Variants in CAST observed in about 807,000 individuals in gnomAD.
The protein encoded by CAST is MIR583 host.
In CAST, 76 loss-of-function variants were observed where a neutral mutation model predicts 119.6. The ratio of observed to expected loss-of-function variants is 0.64; its 90% confidence interval spans 0.53 to 0.77. The LOEUF (loss-of-function observed/expected upper bound fraction) is 0.77, where lower values mean the gene tolerates loss of function less well. CAST is among the 30% of genes least tolerant of loss of function. The probability of loss-of-function intolerance (pLI) is 0.00; values close to 1 mark genes in which losing one functional copy is unlikely to be tolerated. For missense variants in CAST, 953 were observed against 946.5 expected (o/e 1.01, Z -0.09); for synonymous variants, 319 against 331.6 (o/e 0.96, Z 0.41).
At chr5:96,513,170 T>C in the CAST span, among the ~76,000 whole-genome samples, 1 of 152,246 alleles carries the variant, frequency 6.6e-6, no homozygotes, top group Non-Finnish European at 1.5e-5. Flanking sequence ...TCTGCCAGCC[T>C]GGTTAGTGGG....
chr5:96,281,044 A>C, the CAST span, among the ~76,000 whole-genome samples: 1 of 152,260 alleles, frequency 6.6e-6, no homozygotes. Context: ...TCCAGATGTC[A>C]GTTTAGACCT....
At chr5:96,132,928 G>C in the CAST span, among the ~76,000 whole-genome samples, 1 of 152,140 alleles carries the variant, frequency 6.6e-6, no homozygotes, top group African/African-American at 2.4e-5. Flanking sequence ...AAAAGGAACA[G>C]ATACAAAGGA....
chr5:96,765,306 C>T lies in CAST; in HGVS notation c.2018C>T (p.Pro673Leu). The T allele has an allele frequency of 1.9e-6, 2 of 1,049,148 alleles. No individual in the cohort carries two copies. The highest frequency in any genetic ancestry group is 2.6e-6 in the Non-Finnish European group (2 of 757,904). The allele number at this position is 1,049,148 out of a possible 1,614,324, so 65.0% of individuals were successfully genotyped here. ...QRQPDPDENK[P>L]MEDKVKEKAK... ...CAGCCTGACCCAGATGAGAACAAAC[C>T]AATGGAAGATAAAGTAAAGGTAAAA... Residue 673 changes from proline (P) to leucine (L), a missense_variant, in exon 26 of 32, where the codon CCA becomes CTA. Pro to Leu is a moderately conservative substitution (Grantham distance 98, BLOSUM62 -3). Coordinates refer to ENST00000675179, the MANE Select transcript of CAST (RefSeq NM_001750.7).
the CAST span, chr5:96,392,903 C>T: frequency 6.7e-6 from 8 of 1,185,360 alleles, no homozygotes; most frequent in East Asian, 1.6e-4. Context: ...ATATTATAAG[C>T]ATAAGAATTC....
chr5:96,041,706 T>TA, the CAST span, among the ~76,000 whole-genome samples: 35 of 147,084 alleles, frequency 2.4e-4, no homozygotes, highest in East Asian at 5.9e-4. Flanking sequence ...AAAACTATTA[T>TA]AAAAAAAAAA....
the CAST span, among the ~76,000 whole-genome samples, chr5:96,440,940 T>G: frequency 6.6e-6 from 1 of 152,164 alleles, no homozygotes; most frequent in Non-Finnish European, 1.5e-5. Flanking sequence ...AGCACAGATA[T>G]AAGAGCAGAC....
chr5:96,041,249 T>C, the CAST span, among the ~76,000 whole-genome samples: 1 of 152,152 alleles, frequency 6.6e-6, no homozygotes, highest in Non-Finnish European at 1.5e-5. Context: ...GTATATATTC[T>C]TGATTAGAGT....
At chr5:96,730,304 A>G (rs912354671) in intron 8 of CAST, among the ~76,000 whole-genome samples, 2 of 152,230 alleles carry the variant, frequency 1.3e-5, no homozygotes, top group African/African-American at 2.4e-5. Context: ...TATATTTTAT[A>G]TCAGAGATCA....
At position 96,624,181 on chromosome 5, in the gene CAST, G is replaced by A. The variant is rs530539398; in HGVS notation, c.61-51358G>A. 8.5e-5 allele frequency among the ~76,000 whole-genome samples: 13 copies of A among 152,304 alleles called. No individual in the cohort carries two copies. In the South Asian group the frequency reaches 1.2e-3, roughly 15 times the overall value. ...GAAAATAACCACAACTAATTCAAGG[G>A]AACAGTGTTCTGATACCCACTCTGT... On this transcript the variant is annotated intron_variant, in intron 1 of 11. Coordinates refer to the CAST transcript ENST00000505143.
chr5:95,989,684 C>CT, the CAST span, among the ~76,000 whole-genome samples: 13 of 151,238 alleles, frequency 8.6e-5, no homozygotes, highest in Admixed American at 2.0e-4. Context: ...TAAATGTCTT[C>CT]TTTTTTTTTA....
At chr5:96,551,290 AC>A (rs1746121832) in intron 1 of CAST, among the ~76,000 whole-genome samples, 2 of 152,242 alleles carry the variant, frequency 1.3e-5, no homozygotes, top group African/African-American at 4.8e-5. Context: ...AGAATTTTCA[AC>A]GCAGAATTTC....
At chr5:96,307,612 G>A in the CAST span, among the ~76,000 whole-genome samples, 1 of 152,108 alleles carries the variant, frequency 6.6e-6, no homozygotes, top group Admixed American at 6.6e-5. Context: ...TCCATGTTTA[G>A]TGCTTCCTTC....
At chr5:96,503,641 A>G in the CAST span, among the ~76,000 whole-genome samples, 2 of 152,156 alleles carry the variant, frequency 1.3e-5, no homozygotes, top group Non-Finnish European at 2.9e-5. Context: ...CTGAAGTGCC[A>G]GTGTTCAGAA....
At chr5:96,226,516 G>C in the CAST span, among the ~76,000 whole-genome samples, 1 of 152,028 alleles carries the variant, frequency 6.6e-6, no homozygotes, top group African/African-American at 2.4e-5. Flanking sequence ...GCCAGGGGTG[G>C]GGTGGTGGCA....
chr5:95,981,381 G>C, the CAST span, among the ~76,000 whole-genome samples: 1 of 152,070 alleles, frequency 6.6e-6, no homozygotes, highest in Non-Finnish European at 1.5e-5. Context: ...TTTTTGTTTT[G>C]TGGCAGGATG....
the CAST span, among the ~76,000 whole-genome samples, chr5:96,414,623 A>C: frequency 6.6e-6 from 1 of 152,298 alleles, no homozygotes; most frequent in Admixed American, 6.5e-5. Flanking sequence ...GTAGGCTTGG[A>C]ATCTTGTGTT....
intron 2 of CAST, among the ~76,000 whole-genome samples, chr5:96,686,875 G>T (rs1752142520): frequency 6.6e-6 from 1 of 152,180 alleles, no homozygotes; most frequent in Admixed American, 6.5e-5. Context: ...AGGGAATTTT[G>T]CAGTAAGAGG....
intron 3 of CAST, among the ~76,000 whole-genome samples, chr5:96,696,485 G>A (rs1753307365): frequency 6.6e-6 from 1 of 151,880 alleles, no homozygotes; most frequent in Non-Finnish European, 1.5e-5. Flanking sequence ...GCAATTTTTG[G>A]TAATATAACC....
the CAST span, among the ~76,000 whole-genome samples, chr5:95,974,450 CTAT>C: frequency 6.6e-6 from 1 of 152,176 alleles, no homozygotes; most frequent in Admixed American, 6.5e-5. Context: ...TTTGTACCAG[CTAT>C]TATTTCTTCC....
Sources: allele counts gnomAD v4.1 joint callset (sites outside exome capture counted in the v4.1 genomes callset), GRCh38; gene constraint gnomAD v4.1.1; transcripts MANE v1.5; gene names NCBI Gene and HGNC (gene_info 2026-07-23, HGNC 2026-07-21).